GNG2: variants seen among roughly 807,000 people sequenced by gnomAD.
The protein encoded by GNG2 is guanine nucleotide-binding protein G(I)/G(S)/G(O) subunit gamma-2.
GNG2 carries 5 observed loss-of-function variants against 5.5 expected under a neutral mutation model. That is an observed-to-expected ratio of 0.91 (90% CI 0.48 to 1.92). The LOEUF is 1.92. Among genes scored for constraint, GNG2 ranks in the 30% most tolerant of loss-of-function variants. The probability of loss-of-function intolerance (pLI) is 0.01; values close to 1 mark genes in which losing one functional copy is unlikely to be tolerated. For synonymous variants in GNG2, 28 were observed against 32.0 expected (o/e 0.88, Z 0.42); for missense variants, 55 against 88.4 (o/e 0.62, Z 1.52).
At chr14:51,884,590 T>C (rs989933212) in intron 2 of GNG2, among the ~76,000 whole-genome samples, 16 of 152,172 alleles carry the variant, frequency 1.1e-4, no homozygotes, top group Admixed American at 6.5e-5. Context: ...GAGGCACAGT[T>C]ACACCTCTGT....
intron 2 of GNG2, among the ~76,000 whole-genome samples, chr14:51,925,509 T>C (rs1345921777): frequency 6.6e-6 from 1 of 152,140 alleles, no homozygotes; most frequent in Non-Finnish European, 1.5e-5. Flanking sequence ...GTGCACAAAT[T>C]AGGAAGCGCT....
At chr14:51,920,732 A>G (rs118089510) in intron 2 of GNG2, among the ~76,000 whole-genome samples, 2,180 of 152,312 alleles carry the variant, frequency 0.014, 24 homozygotes, top group Non-Finnish European at 0.022. Flanking sequence ...CATTCTATGT[A>G]GGCAGTGGAA....
At chr14:51,962,227 T>C (rs1037362053) in intron 3 of GNG2, among the ~76,000 whole-genome samples, 4 of 152,210 alleles carry the variant, frequency 2.6e-5, no homozygotes. Flanking sequence ...ATATCAATTT[T>C]TAAAAATATA....
At chr14:51,828,594 G>C (rs750300671) in intron 2 of GNG2, among the ~76,000 whole-genome samples, 1 of 152,030 alleles carries the variant, frequency 6.6e-6, no homozygotes, top group East Asian at 1.9e-4. Context: ...TCTGACTCAC[G>C]GCCACACTGA....
At chr14:51,880,957 C>CAAAAAAA (rs1475802031) in intron 2 of GNG2, among the ~76,000 whole-genome samples, 1 of 10,490 alleles carries the variant, frequency 9.5e-5, no homozygotes, top group African/African-American at 3.1e-4. Flanking sequence ...CTTAAAAAGA[C>CAAAAAAA]AAAAAAAAAG....
intron 2 of GNG2, among the ~76,000 whole-genome samples, chr14:51,949,455 C>A (rs1436095630): frequency 6.6e-6 from 1 of 152,024 alleles, no homozygotes; most frequent in Non-Finnish European, 1.5e-5. Flanking sequence ...TCTGTGTGTT[C>A]TTTTTCTTTT....
At chr14:51,885,068 G>T (rs1024140479) in intron 2 of GNG2, among the ~76,000 whole-genome samples, 2 of 152,140 alleles carry the variant, frequency 1.3e-5, no homozygotes, top group Non-Finnish European at 2.9e-5. Flanking sequence ...GAAGGAGAGA[G>T]CCCAGTCATA....
At chr14:51,900,948 T>C (rs1885509128) in intron 2 of GNG2, among the ~76,000 whole-genome samples, 1 of 152,216 alleles carries the variant, frequency 6.6e-6, no homozygotes, top group African/African-American at 2.4e-5. Flanking sequence ...TGTGGAGAAT[T>C]TGAGGATGAT....
chr14:51,877,978 A>T (rs369582706), intron 2 of GNG2: 1 of 212,940 alleles, frequency 4.7e-6, no homozygotes, highest in Admixed American at 5.5e-5. Flanking sequence ...CATTGAGGGC[A>T]TACCCTGTGC....
chr14:51,951,306 A>G (rs1231955757), intron 3 of GNG2, among the ~76,000 whole-genome samples: 2 of 152,156 alleles, frequency 1.3e-5, no homozygotes, highest in African/African-American at 2.4e-5. Context: ...TTCATAGTCT[A>G]TGTGTTTCTT....
intron 2 of GNG2, among the ~76,000 whole-genome samples, chr14:51,943,674 A>C (rs1043005830): frequency 2.0e-5 from 3 of 152,268 alleles, no homozygotes. Context: ...AATAATCTGA[A>C]AAGGAAATTA....
chr14:51,872,931 T>A (rs1883408819), intron 1 of GNG2, among the ~76,000 whole-genome samples: 1 of 152,244 alleles, frequency 6.6e-6, no homozygotes, highest in Non-Finnish European at 1.5e-5. Flanking sequence ...AGATTTAGGC[T>A]GTTTTATTTT....
At chr14:51,949,334 A>C (rs1336026100) in intron 2 of GNG2, among the ~76,000 whole-genome samples, 1 of 152,108 alleles carries the variant, frequency 6.6e-6, no homozygotes, top group African/African-American at 2.4e-5. Flanking sequence ...TAATTTATAG[A>C]CTTTTGCTTT....
chr14:51,936,587 G>T (rs142201679), intron 2 of GNG2, among the ~76,000 whole-genome samples: 156 of 141,526 alleles, frequency 1.1e-3, no homozygotes, highest in African/African-American at 4.0e-3. Context: ...GCCTCACTCT[G>T]TGGCCCAGGC....
chr14:51,896,913 T>C (rs1885227537), intron 2 of GNG2, among the ~76,000 whole-genome samples: 1 of 152,228 alleles, frequency 6.6e-6, no homozygotes, highest in Non-Finnish European at 1.5e-5. Context: ...TGTGTCATTA[T>C]TGAACATAAC....
intron 2 of GNG2, among the ~76,000 whole-genome samples, chr14:51,888,793 T>C (rs1006754527): frequency 3.9e-5 from 6 of 152,168 alleles, no homozygotes; most frequent in Non-Finnish European, 8.8e-5. Context: ...TCTTTCTGCT[T>C]CCTAGGCTTG....
At chr14:51,874,647 A>G (rs750907844) in intron 1 of GNG2, among the ~76,000 whole-genome samples, 9 of 151,680 alleles carry the variant, frequency 5.9e-5, no homozygotes, top group Non-Finnish European at 1.3e-4. Context: ...ATGCAGGAGG[A>G]TTGCTTGAGC....
chr14:51,869,372 T>C (rs1883150709), intron 1 of GNG2, among the ~76,000 whole-genome samples: 1 of 152,206 alleles, frequency 6.6e-6, no homozygotes, highest in Admixed American at 6.5e-5. Flanking sequence ...CTTAGCAACC[T>C]GGATTCTTCC....
chr14:51,955,656 C>G (rs1167610007), intron 3 of GNG2, among the ~76,000 whole-genome samples: 1 of 152,084 alleles, frequency 6.6e-6, no homozygotes, highest in Non-Finnish European at 1.5e-5. Context: ...ATGAATGTAA[C>G]TGGACAAATA....
Sources: gnomAD v4.1 joint callset for allele counts (sites outside exome capture counted in the v4.1 genomes callset) on GRCh38, gnomAD v4.1.1 for gene constraint, MANE v1.5 for transcripts, NCBI Gene and HGNC (gene_info 2026-07-23, HGNC 2026-07-21) for gene names.